Variants in MAP3K8 observed in about 807,000 individuals in gnomAD.
MAP3K8 encodes the protein Ewing sarcoma transformant.
MAP3K8 carries 22 observed loss-of-function variants against 45.8 expected under a neutral mutation model. The ratio of observed to expected loss-of-function variants is 0.48; its 90% confidence interval spans 0.34 to 0.69. The LOEUF (loss-of-function observed/expected upper bound fraction) is 0.69. Ranked by LOEUF, MAP3K8 falls within the 30% of genes least tolerant of loss-of-function variation. The probability of loss-of-function intolerance (pLI) is 0.01; values close to 1 mark genes in which losing one functional copy is unlikely to be tolerated. For missense variants in MAP3K8, 419 were observed against 585.0 expected (o/e 0.72, Z 2.93); for synonymous variants, 223 against 214.3 (o/e 1.04, Z -0.36).
rs370686579 is a variant in MAP3K8, at chr10:30,442,620, C to T, written c.336+3346C>T. Among the ~76,000 whole-genome samples, 279 of 152,288 alleles carry T rather than the reference C, an allele frequency of 1.8e-3. 16 individuals carry two copies. In the South Asian group the frequency reaches 0.055, roughly 30 times the overall value. ...TGGGGAAGAAGCTTTGGGAGACTAA[C>T]CTGGGAATTGCTTTGGGTAAGAGTG... is the stretch of plus-strand genomic sequence containing the variant. On this transcript the variant is annotated intron_variant, in intron 3 of 8. Transcript: ENST00000263056.
intron 4 of MAP3K8, among the ~76,000 whole-genome samples, chr10:30,449,221 T>C (rs1469037821): frequency 1.3e-5 from 2 of 152,168 alleles, no homozygotes; most frequent in African/African-American, 4.8e-5. Context: ...TCTTGAATGC[T>C]AGTAGACATC....
rs771751474 is a variant in MAP3K8, at chr10:30,459,288, G to T, written c.1060G>T (p.Ala354Ser). 6.2e-7 allele frequency: 1 copy of T among 1,614,154 alleles called. No homozygotes were observed. The highest frequency in any genetic ancestry group is 1.1e-5 in the South Asian group (1 of 91,076). ...HKQAPPLEDI[A>S]DDCSPGMREL... Reference sequence around the variant, plus strand: ...GCAAGCACCTCCACTGGAAGACATTGCAGATGACTGCAGTCCAGGGATGAG... The same window carrying T: ...GCAAGCACCTCCACTGGAAGACATTTCAGATGACTGCAGTCCAGGGATGAG... The change falls in exon 8 of 9, where the codon GCA (alanine) becomes TCA (serine). Residue 354 changes from alanine to serine, a missense_variant. Ala to Ser is a moderately conservative substitution (Grantham distance 99). Around this residue, in one of 3 missense-constraint regions of MAP3K8, gnomAD observed 209 missense variants for 367.3 expected, o/e 0.57. Coordinates refer to ENST00000263056, the MANE Select transcript of MAP3K8 (RefSeq NM_005204.4).
At chr10:30,457,131 A>G (rs950345672) in intron 6 of MAP3K8, among the ~76,000 whole-genome samples, 10 of 151,918 alleles carry the variant, frequency 6.6e-5, no homozygotes, top group African/African-American at 2.2e-4. Context: ...ATGAGCCACC[A>G]TGCCCCACCT....
intron 6 of MAP3K8, among the ~76,000 whole-genome samples, chr10:30,455,291 C>A (rs1192412624): frequency 6.6e-6 from 1 of 152,172 alleles, no homozygotes; most frequent in African/African-American, 2.4e-5. Context: ...TTGCTTTTAC[C>A]CTTCCTACTT....
At chr10:30,439,790 CTGAG>C (rs1283650657) in intron 3 of MAP3K8, among the ~76,000 whole-genome samples, 1 of 152,238 alleles carries the variant, frequency 6.6e-6, no homozygotes, top group Non-Finnish European at 1.5e-5. Flanking sequence ...GCCTGTGTGA[CTGAG>C]TGAGACTCTG....
chr10:30,458,296 G>A (rs891971206), intron 7 of MAP3K8, 60 bp downstream of exon 7: 19 of 1,237,390 alleles, frequency 1.5e-5, no homozygotes, highest in Middle Eastern at 2.3e-4. Context: ...TATGCATCCC[G>A]CAGGCTTGGG....
rs201540136 is a variant in MAP3K8 at position 30,447,821 on chromosome 10, G to A, written c.376G>A (p.Asp126Asn). ...PQNGRYQIDS[D>N]VLLIPWKLTY... ...AAATGGACGTTACCAAATAGATTCC[G>A]ATGTTCTCCTGATCCCCTGGAAGCT... The change falls in exon 4 of 9, where the codon GAT (aspartate) becomes AAT (asparagine). Residue 126 changes from aspartate (D) to asparagine (N), a missense_variant. Physicochemically the swap from Asp to Asn is conservative, Grantham distance 23 (BLOSUM62 1). Transcript: ENST00000263056. 10 of 1,613,592 alleles carry A rather than the reference G, an allele frequency of 6.2e-6. No homozygotes were observed. In the East Asian group the frequency reaches 8.9e-5, roughly 14 times the overall value.
At chr10:30,444,218 T>C (rs895068947) in intron 3 of MAP3K8, among the ~76,000 whole-genome samples, 10 of 149,350 alleles carry the variant, frequency 6.7e-5, no homozygotes, top group Non-Finnish European at 8.9e-5. Context: ...TACGGGCCCC[T>C]AGAAAGAAGA....
At chr10:30,437,805 T>C (rs1485261683) in intron 2 of MAP3K8, among the ~76,000 whole-genome samples, 2 of 152,236 alleles carry the variant, frequency 1.3e-5, no homozygotes, top group Non-Finnish European at 2.9e-5. Flanking sequence ...TGTTAAAGGC[T>C]TGTGCTTCTC....
chr10:30,445,913 C>T (rs1836312470), intron 3 of MAP3K8, among the ~76,000 whole-genome samples: 1 of 152,206 alleles, frequency 6.6e-6, no homozygotes, highest in Non-Finnish European at 1.5e-5. Context: ...GACTGAATGG[C>T]CCTTACAGTT....
At chr10:30,442,232 GC>G (rs1438073654) in intron 3 of MAP3K8, among the ~76,000 whole-genome samples, 1 of 152,244 alleles carries the variant, frequency 6.6e-6, no homozygotes, top group African/African-American at 2.4e-5. Context: ...CATGCTGTTT[GC>G]TCTGGCAGTG....
chr10:30,455,182 C>T (rs1034164755), intron 6 of MAP3K8, among the ~76,000 whole-genome samples: 2 of 152,130 alleles, frequency 1.3e-5, no homozygotes, highest in Non-Finnish European at 1.5e-5. Context: ...TATAAACTCT[C>T]TTCTAATCAG....
chr10:30,450,593 G>A, intron 5 of MAP3K8, 74 bp downstream of exon 5: 2 of 1,387,522 alleles, frequency 1.4e-6, no homozygotes, highest in South Asian at 1.2e-5. Flanking sequence ...GCTCCTTCCT[G>A]TAATCTGAAG....
intron 7 of MAP3K8, 129 bp from the exon 8 acceptor site, chr10:30,459,126 C>T: frequency 1.0e-6 from 1 of 953,152 alleles, no homozygotes; most frequent in Admixed American, 2.4e-5. Context: ...TGCTTAAGGG[C>T]TGAACTGCAT....
At chr10:30,452,990 T>C (rs1037025924) in intron 6 of MAP3K8, among the ~76,000 whole-genome samples, 2 of 152,192 alleles carry the variant, frequency 1.3e-5, no homozygotes, top group African/African-American at 4.8e-5. Context: ...ACAGTTCAGC[T>C]TTAATAATAA....
chr10:30,456,085 C>T (rs868839267), intron 6 of MAP3K8, among the ~76,000 whole-genome samples: 1 of 152,222 alleles, frequency 6.6e-6, no homozygotes, highest in Admixed American at 6.5e-5. Context: ...GCAGTGGGCA[C>T]TCCGCCCAAT....
intron 6 of MAP3K8, among the ~76,000 whole-genome samples, chr10:30,452,423 C>T (rs544313745): frequency 6.6e-6 from 1 of 151,524 alleles, no homozygotes; most frequent in Non-Finnish European, 1.5e-5. Flanking sequence ...GAGCCGAGAT[C>T]GTGCCATTGC....
intron 3 of MAP3K8, among the ~76,000 whole-genome samples, chr10:30,446,081 T>G (rs1228254860): frequency 6.6e-6 from 1 of 152,034 alleles, no homozygotes; most frequent in Non-Finnish European, 1.5e-5. Context: ...AAAATAGAAA[T>G]GGAGTCTCAC....
rs572763373 is a variant in MAP3K8 at position 30,445,945 on chromosome 10, G to A, written c.337-1837G>A. Among the ~76,000 whole-genome samples, 22 of 152,300 alleles carry A rather than the reference G, an allele frequency of 1.4e-4. 1 individual carries two copies. The highest frequency in any genetic ancestry group is 4.6e-4 in the Admixed American group (7 of 15,300). Reference sequence around the variant, plus strand: ...AGTTACTAGAACTATTTCTGTAGCCGTGTCCCTAATAAGAAGTCCCATGCA... The same window carrying A: ...AGTTACTAGAACTATTTCTGTAGCCATGTCCCTAATAAGAAGTCCCATGCA... On this transcript the variant is annotated intron_variant, in intron 3 of 8. Coordinates refer to ENST00000263056, the MANE Select transcript of MAP3K8 (RefSeq NM_005204.4).
Sources: allele counts gnomAD v4.1 joint callset (sites outside exome capture counted in the v4.1 genomes callset), GRCh38; gene constraint gnomAD v4.1.1; regional missense constraint gnomAD v4.1.1; transcripts MANE v1.5; gene names NCBI Gene and HGNC (gene_info 2026-07-23, HGNC 2026-07-21).